The following MYO16 variants were observed in gnomAD, a reference collection of about 807,000 sequenced individuals.
The protein encoded by MYO16 is unconventional myosin-XVI.
MYO16 carries 94 observed loss-of-function variants against 205.3 expected under a neutral mutation model. The ratio of observed to expected loss-of-function variants is 0.46; its 90% CI spans 0.39 to 0.54. The LOEUF is 0.54. MYO16 is among the 20% of genes least tolerant of loss of function. MYO16 has a pLI of 0.00. For missense variants in MYO16, 2,315 were observed against 2,387.5 expected, an observed-to-expected ratio of 0.97 and a Z score of 0.63; for synonymous variants, 988 against 954.0, an observed-to-expected ratio of 1.04 and a Z score of -0.66.
chr13:108,659,836 T>C (rs1474386728), intron 1 of MYO16, among the ~76,000 whole-genome samples: 1 of 152,252 alleles, frequency 6.6e-6, no homozygotes, highest in Non-Finnish European at 1.5e-5. Flanking sequence ...CCCAAGTTCC[T>C]GCCTTTATGG....
chr13:108,827,583 A>C (rs867187911), intron 9 of MYO16, among the ~76,000 whole-genome samples: 5 of 152,150 alleles, frequency 3.3e-5, no homozygotes, highest in Non-Finnish European at 7.3e-5. Flanking sequence ...TTTCAAGCTC[A>C]TGTCTAAAAA....
intron 23 of MYO16, among the ~76,000 whole-genome samples, chr13:109,035,047 T>C (rs1419016426): frequency 6.6e-6 from 1 of 152,198 alleles, no homozygotes; most frequent in Non-Finnish European, 1.5e-5. Context: ...GAATCCCTTC[T>C]TCTTAACCCT....
chr13:108,722,487 T>A lies in MYO16; in HGVS notation c.364-4953T>A, dbSNP rs535351192. 1.1e-4 allele frequency among the ~76,000 whole-genome samples: 17 copies of A among 152,296 alleles called. No homozygotes were observed. In the South Asian group the frequency reaches 3.3e-3, roughly 30 times the overall value. On this transcript the variant is annotated intron_variant, in intron 3 of 34. Coordinates refer to ENST00000457511, the MANE Select transcript of MYO16 (RefSeq NM_001198950.3). ...CTGAAATGTGATTCCCAAAATTATA[T>A]CACTTGAGAGGGGCTGATATCACTT...
intron 1 of MYO16, among the ~76,000 whole-genome samples, chr13:108,618,055 C>G (rs1172275819): frequency 2.6e-5 from 4 of 152,192 alleles, no homozygotes; most frequent in African/African-American, 7.2e-5. Context: ...TCTGCTCTGT[C>G]TTCACTACCA....
intron 33 of MYO16, among the ~76,000 whole-genome samples, chr13:109,175,646 A>T (rs1879136407): frequency 1.3e-5 from 2 of 152,198 alleles, no homozygotes; most frequent in Admixed American, 6.5e-5. Flanking sequence ...CAAGGGACAC[A>T]TGAATCTCTA....
At chr13:109,144,454 G>A (rs1877239363) in intron 32 of MYO16, among the ~76,000 whole-genome samples, 1 of 152,202 alleles carries the variant, frequency 6.6e-6, no homozygotes, top group African/African-American at 2.4e-5. Context: ...AGCATTCAGT[G>A]CTGGTGCTCA....
At chr13:108,749,643 C>T (rs1212464702) in intron 4 of MYO16, among the ~76,000 whole-genome samples, 3 of 152,186 alleles carry the variant, frequency 2.0e-5, no homozygotes, top group South Asian at 2.1e-4. Flanking sequence ...TCAGAGGTAA[C>T]GATGTGGAGC....
chr13:108,925,494 GTATAA>G (rs56343014), intron 16 of MYO16, among the ~76,000 whole-genome samples: 9,013 of 152,196 alleles, frequency 0.059, 380 homozygotes, highest in Non-Finnish European at 0.092. Flanking sequence ...AATAGTGGTA[GTATAA>G]TATTTTATTG....
intron 11 of MYO16, among the ~76,000 whole-genome samples, 181 bp from the exon 12 acceptor site, chr13:108,865,995 AT>A (rs1878693184): frequency 6.6e-6 from 1 of 152,122 alleles, no homozygotes; most frequent in Admixed American, 6.5e-5. Context: ...TATTTAATTC[AT>A]TTAATATTTT....
At chr13:108,990,940 C>A (rs1207929590) in intron 20 of MYO16, among the ~76,000 whole-genome samples, 1 of 152,124 alleles carries the variant, frequency 6.6e-6, no homozygotes, top group African/African-American at 2.4e-5. Context: ...CAGTTTTGTT[C>A]TGCCGTTTGG....
chr13:108,653,025 T>A (rs1160047376), intron 1 of MYO16, among the ~76,000 whole-genome samples: 1 of 152,222 alleles, frequency 6.6e-6, no homozygotes, highest in Non-Finnish European at 1.5e-5. Flanking sequence ...GTGTTACAAT[T>A]TCTCTACATC....
chr13:109,017,700 C>A (rs552106398), intron 22 of MYO16, among the ~76,000 whole-genome samples: 37 of 152,212 alleles, frequency 2.4e-4, no homozygotes, highest in African/African-American at 8.4e-4. Context: ...CTTCTCACTT[C>A]ATTTCCTTAA....
At chr13:108,579,019 G>A in the MYO16 span, among the ~76,000 whole-genome samples, 1 of 151,944 alleles carries the variant, frequency 6.6e-6, no homozygotes, top group Non-Finnish European at 1.5e-5. Flanking sequence ...TATCTTTAAA[G>A]TCTTATTATA....
At chr13:109,034,058 C>T (rs1302753282) in intron 23 of MYO16, among the ~76,000 whole-genome samples, 3 of 152,036 alleles carry the variant, frequency 2.0e-5, no homozygotes, top group Non-Finnish European at 4.4e-5. Flanking sequence ...AGCAAATGGG[C>T]GTACCTTGAA....
At chr13:108,783,940 C>T (rs561716622) in intron 4 of MYO16, among the ~76,000 whole-genome samples, 12 of 152,250 alleles carry the variant, frequency 7.9e-5, no homozygotes, top group Admixed American at 3.3e-4. Flanking sequence ...ACCAATACAG[C>T]GCCTGTACAG....
intron 2 of MYO16, among the ~76,000 whole-genome samples, chr13:108,700,353 AGAAG>A (rs1566558183): frequency 0.011 from 1,334 of 117,142 alleles, 21 homozygotes; most frequent in African/African-American, 0.045. Context: ...AAAAAAAAGA[AGAAG>A]AAGAAGAAGA....
intron 16 of MYO16, among the ~76,000 whole-genome samples, chr13:108,950,826 A>T (rs946428198): frequency 1.3e-5 from 2 of 152,116 alleles, no homozygotes; most frequent in African/African-American, 4.8e-5. Context: ...GGCTAGACAC[A>T]CTGCTGTGTG....
intron 4 of MYO16, among the ~76,000 whole-genome samples, chr13:108,764,085 A>G (rs1182597673): frequency 3.3e-5 from 5 of 152,170 alleles, no homozygotes; most frequent in Admixed American, 6.6e-5. Flanking sequence ...GAAGCTAGCC[A>G]TTCCAGCACA....
At chr13:108,644,731 T>C (rs893865930) in intron 1 of MYO16, among the ~76,000 whole-genome samples, 1 of 152,174 alleles carries the variant, frequency 6.6e-6, no homozygotes, top group Non-Finnish European at 1.5e-5. Context: ...AAAGTATATT[T>C]AAATAATTAG....
Sources: allele counts gnomAD v4.1 joint callset (sites outside exome capture counted in the v4.1 genomes callset), GRCh38; gene constraint gnomAD v4.1.1; transcripts MANE v1.5; gene names NCBI Gene and HGNC (gene_info 2026-07-23, HGNC 2026-07-21).